The following PHF14 variants were observed in gnomAD, a reference collection of about 807,000 sequenced individuals.
The protein encoded by PHF14 is PHD finger protein 14.
In PHF14, 55 loss-of-function variants were observed where a neutral mutation model predicts 117.9. The observed-to-expected ratio is 0.47, with a 90% confidence interval of 0.38 to 0.58. The LOEUF (loss-of-function observed/expected upper bound fraction) is 0.58, where lower values mean the gene tolerates loss of function less well. PHF14 is among the 20% of genes least tolerant of loss of function. The probability of loss-of-function intolerance (pLI) is 0.00; values close to 1 mark genes in which losing one functional copy is unlikely to be tolerated. For missense variants in PHF14, 978 were observed against 1,122.2 expected, an observed-to-expected ratio of 0.87 and a Z score of 1.84; for synonymous variants, 409 against 368.6, an observed-to-expected ratio of 1.11 and a Z score of -1.26.
At chr7:11,017,848 A>T (rs1198953648) in intron 5 of PHF14, among the ~76,000 whole-genome samples, 1 of 152,098 alleles carries the variant, frequency 6.6e-6, no homozygotes, top group Admixed American at 6.6e-5. Context: ...ACCCAGAGCA[A>T]TGTCCTGGAT....
intron 17 of PHF14, among the ~76,000 whole-genome samples, chr7:11,138,060 G>A (rs1405391707): frequency 6.9e-6 from 1 of 145,048 alleles, no homozygotes; most frequent in African/African-American, 2.6e-5. Context: ...TTTTTGAGAC[G>A]GAGTCTTTGC....
chr7:11,052,130 C>T (rs1263835167), intron 14 of PHF14, among the ~76,000 whole-genome samples: 1 of 152,156 alleles, frequency 6.6e-6, no homozygotes, highest in Non-Finnish European at 1.5e-5. Context: ...TTACTTTTCT[C>T]ATTCACTTCT....
At position 10,982,378 on chromosome 7, in the gene PHF14, A is replaced by C; in HGVS notation, c.119A>C (p.Glu40Ala). 6.5e-7 allele frequency: 1 copy of C among 1,543,340 alleles called. No homozygotes were observed. Among genetic ancestry groups the C allele is most frequent in the East Asian group, 2.3e-5 (1 of 44,026 alleles). ...TTTCTCATATTTTCAACAGATTCTG[A>C]AGGGAGTGGTAATGGAAGTGAAGAT... ...DFKVGDASDS[E>A]GSGNGSEDAS... is the part of the protein sequence containing the mutation. The change falls in exon 3 of 18, where the codon GAA (glutamate) becomes GCA (alanine). Residue 40 changes from glutamate to alanine, a missense_variant. Glu to Ala is a moderately radical substitution (Grantham distance 107). Transcript: ENST00000634607.
intron 17 of PHF14, among the ~76,000 whole-genome samples, chr7:11,164,325 A>G (rs1452108116): frequency 1.3e-5 from 2 of 152,230 alleles, no homozygotes; most frequent in Non-Finnish European, 2.9e-5. Context: ...AAAGAAAGCT[A>G]TGTTTTCTGA....
At chr7:11,052,963 C>T (rs1304314546) in intron 14 of PHF14, among the ~76,000 whole-genome samples, 1 of 152,060 alleles carries the variant, frequency 6.6e-6, no homozygotes, top group East Asian at 1.9e-4. Flanking sequence ...TCTATTACAT[C>T]AGGAGTGTAA....
At chr7:11,060,024 C>T (rs1452820645) in intron 14 of PHF14, among the ~76,000 whole-genome samples, 1 of 152,070 alleles carries the variant, frequency 6.6e-6, no homozygotes, top group Non-Finnish European at 1.5e-5. Context: ...GCACTCACAA[C>T]CATGCCTAGC....
intron 17 of PHF14, among the ~76,000 whole-genome samples, chr7:11,145,157 G>C (rs1217124176): frequency 6.6e-6 from 1 of 151,788 alleles, no homozygotes; most frequent in East Asian, 1.9e-4. Flanking sequence ...CCTCGGGAGG[G>C]GTTCAGGTGG....
chr7:11,099,098 A>G (rs1279583354), intron 16 of PHF14, among the ~76,000 whole-genome samples: 2 of 152,140 alleles, frequency 1.3e-5, no homozygotes. Flanking sequence ...CCCAGCTGCC[A>G]CTGAATTTTT....
chr7:11,019,760 A>G (rs1316077244), intron 5 of PHF14, among the ~76,000 whole-genome samples: 5 of 151,666 alleles, frequency 3.3e-5, no homozygotes, highest in African/African-American at 9.7e-5. Flanking sequence ...ATCTTTATTA[A>G]TCTACTAATT....
chr7:11,130,810 C>T lies in PHF14; in HGVS notation c.2772+19343C>T, dbSNP rs1026986031. On this transcript the variant is annotated intron_variant, in intron 17 of 17. Transcript: ENST00000634607. This position sits in a 1 kb window ranked among gnomAD's most constrained non-coding sequence, Gnocchi z 4.2. ...AATAGTTCACTGCCCTAAAGATCTC[C>T]TGTGCTCTGCCTATTCACCACTCCC... Among the ~76,000 whole-genome samples, 1 of 151,980 alleles carries T rather than the reference C, an allele frequency of 6.6e-6. No homozygotes were observed. Among genetic ancestry groups the T allele is most frequent in the Admixed American group, 6.6e-5 (1 of 15,202 alleles).
At chr7:11,029,576 G>T (rs567902223) in intron 7 of PHF14, among the ~76,000 whole-genome samples, 2 of 152,202 alleles carry the variant, frequency 1.3e-5, no homozygotes, top group South Asian at 4.1e-4. Context: ...TATGTGAATT[G>T]TATTTAGTAA....
intron 16 of PHF14, among the ~76,000 whole-genome samples, chr7:11,081,970 C>A (rs1268638416): frequency 6.6e-6 from 1 of 151,660 alleles, no homozygotes; most frequent in Non-Finnish European, 1.5e-5. Flanking sequence ...ACTTTTATAC[C>A]AGAAAACTGG....
intron 16 of PHF14, among the ~76,000 whole-genome samples, chr7:11,094,047 G>A (rs560843184): frequency 2.0e-5 from 3 of 152,234 alleles, no homozygotes; most frequent in South Asian, 2.1e-4. Context: ...CCTTAAAGGA[G>A]AAGGGTCTGG....
At chr7:11,128,602 A>G (rs1210347244) in intron 17 of PHF14, among the ~76,000 whole-genome samples, 2 of 151,830 alleles carry the variant, frequency 1.3e-5, no homozygotes, top group Non-Finnish European at 1.5e-5. Context: ...TGTCTATACT[A>G]TAGTATAGAC....
At chr7:11,054,376 C>A (rs972946603) in intron 14 of PHF14, among the ~76,000 whole-genome samples, 1 of 152,068 alleles carries the variant, frequency 6.6e-6, no homozygotes, top group Non-Finnish European at 1.5e-5. Flanking sequence ...ATTACCTTTC[C>A]TTTTTCCCTC....
chr7:11,012,303 C>T (rs917720264), intron 4 of PHF14, among the ~76,000 whole-genome samples: 1 of 151,934 alleles, frequency 6.6e-6, no homozygotes, highest in Non-Finnish European at 1.5e-5. Context: ...ATACAGTCAC[C>T]CCTCAGTATA....
intron 4 of PHF14, among the ~76,000 whole-genome samples, chr7:11,011,633 G>A (rs373805359): frequency 6.6e-6 from 1 of 152,140 alleles, no homozygotes; most frequent in African/African-American, 2.4e-5. Context: ...TCAGGAGACT[G>A]GAGAAATGCC....
intron 13 of PHF14, among the ~76,000 whole-genome samples, chr7:11,048,528 T>C (rs574146052): frequency 6.6e-6 from 1 of 152,292 alleles, no homozygotes; most frequent in South Asian, 2.1e-4. Context: ...CCTTAGATCA[T>C]GCCACTGCAC....
chr7:11,014,629 C>T (rs1162599494), intron 5 of PHF14, among the ~76,000 whole-genome samples: 1 of 152,136 alleles, frequency 6.6e-6, no homozygotes, highest in Non-Finnish European at 1.5e-5. Context: ...CCACCCATAC[C>T]TGCTGAAAAG....
Sources: allele counts gnomAD v4.1 joint callset (sites outside exome capture counted in the v4.1 genomes callset), GRCh38; gene constraint gnomAD v4.1.1; non-coding constraint Gnocchi (gnomAD v3.1); transcripts MANE v1.5; gene names NCBI Gene and HGNC (gene_info 2026-07-23, HGNC 2026-07-21).